CHN1: variants seen among roughly 807,000 people sequenced by gnomAD.
CHN1 encodes the protein N-chimaerin.
In CHN1, 37 loss-of-function variants were observed where a neutral mutation model predicts 59.5. That is an observed-to-expected ratio of 0.62 (90% CI 0.48 to 0.82). The LOEUF is 0.82. Ranked by LOEUF, CHN1 falls within the 40% of genes least tolerant of loss-of-function variation. The pLI, the probability that CHN1 is intolerant of heterozygous loss-of-function variation, is 0.00. For synonymous variants in CHN1, 206 were observed against 200.4 expected, an observed-to-expected ratio of 1.03 and a Z score of -0.24; for missense variants, 469 against 571.0, an observed-to-expected ratio of 0.82 and a Z score of 1.82.
At chr2:174,901,595 C>T (rs1047016875) in intron 5 of CHN1, among the ~76,000 whole-genome samples, 34 of 152,140 alleles carry the variant, frequency 2.2e-4, no homozygotes, top group African/African-American at 7.7e-4. Context: ...CTGTTAAGCT[C>T]CATAAGGCCA....
intron 6 of CHN1, among the ~76,000 whole-genome samples, chr2:174,857,573 C>T (rs1686943710): frequency 6.6e-6 from 1 of 152,024 alleles, no homozygotes; most frequent in African/African-American, 2.4e-5. Context: ...TAATCTAACA[C>T]TATCTAATGT....
chr2:174,851,831 A>C (rs1403273654), intron 6 of CHN1, among the ~76,000 whole-genome samples: 2 of 152,226 alleles, frequency 1.3e-5, no homozygotes, highest in African/African-American at 4.8e-5. Context: ...TGACAATATG[A>C]TTCTATACTT....
chr2:174,925,240 G>A (rs1689136247), intron 3 of CHN1, among the ~76,000 whole-genome samples: 1 of 152,080 alleles, frequency 6.6e-6, no homozygotes, highest in Admixed American at 6.5e-5. Flanking sequence ...TTGGTGTTTA[G>A]GCACAACTGA....
chr2:174,999,454 C>T (rs1458628427), intron 1 of CHN1, among the ~76,000 whole-genome samples: 1 of 152,188 alleles, frequency 6.6e-6, no homozygotes, highest in Non-Finnish European at 1.5e-5. Flanking sequence ...CAGCAAGGTA[C>T]TCTTTGTCAT....
chr2:174,895,415 G>C (rs908643860), intron 5 of CHN1, among the ~76,000 whole-genome samples: 16 of 151,970 alleles, frequency 1.1e-4, no homozygotes, highest in Non-Finnish European at 2.4e-4. Context: ...TGGCTGCTAT[G>C]GGGTAGGAGG....
At chr2:174,855,992 T>C (rs1027229875) in intron 6 of CHN1, among the ~76,000 whole-genome samples, 8 of 152,106 alleles carry the variant, frequency 5.3e-5, no homozygotes, top group Non-Finnish European at 8.8e-5. Flanking sequence ...TTTTGAAAGG[T>C]TGCCATTTGA....
chr2:174,986,654 C>A (rs1211459371), intron 1 of CHN1, among the ~76,000 whole-genome samples: 2 of 152,234 alleles, frequency 1.3e-5, no homozygotes, highest in Non-Finnish European at 2.9e-5. Flanking sequence ...CTTCTTCAGT[C>A]TACTCAACAT....
intron 6 of CHN1, among the ~76,000 whole-genome samples, chr2:174,871,297 G>A (rs1687400427): frequency 6.6e-6 from 1 of 150,386 alleles, no homozygotes; most frequent in African/African-American, 2.4e-5. Context: ...ATAGAATGAA[G>A]AATGACCCTC....
chr2:174,844,045 G>A (rs1346571901), intron 7 of CHN1, among the ~76,000 whole-genome samples: 1 of 151,614 alleles, frequency 6.6e-6, no homozygotes, highest in Non-Finnish European at 1.5e-5. Context: ...TTGATCCAGG[G>A]GACAATTACA....
At chr2:174,846,532 T>C (rs2105435313) in intron 7 of CHN1, 1 of 1,324,460 alleles carries the variant, frequency 7.6e-7, no homozygotes, top group East Asian at 2.6e-5. Context: ...TCTAATCCTC[T>C]CATAAAATCT....
chr2:174,945,220 C>A (rs779495259), intron 2 of CHN1: 3 of 471,634 alleles, frequency 6.4e-6, no homozygotes, highest in African/African-American at 2.0e-5. Flanking sequence ...ATAATCTGGT[C>A]ATTTATTTTC....
At position 174,817,587 on chromosome 2, in the gene CHN1, A is replaced by G. The variant is rs191947766; in HGVS notation, c.713-5105T>C. On this transcript the variant is annotated intron_variant, in intron 8 of 12. Transcript: ENST00000409900. ...AAGTAATTCTCATGCCTCAGCCTCC[A>G]AGTAGCTGGGACTACAGACACGCGT... 2.6e-3 allele frequency among the ~76,000 whole-genome samples: 391 copies of G among 150,528 alleles called. 1 individual carries two copies. Among genetic ancestry groups the G allele is most frequent in the African/African-American group, 9.2e-3 (374 of 40,812 alleles).
At chr2:174,976,951 G>A (rs929484585) in intron 1 of CHN1, among the ~76,000 whole-genome samples, 3 of 152,164 alleles carry the variant, frequency 2.0e-5, no homozygotes, top group East Asian at 1.9e-4. Flanking sequence ...ATTAGCAAAC[G>A]GGATGGTCCA....
At chr2:174,979,055 T>C (rs1691045931) in intron 1 of CHN1, among the ~76,000 whole-genome samples, 1 of 152,126 alleles carries the variant, frequency 6.6e-6, no homozygotes, top group African/African-American at 2.4e-5. Context: ...TAGTTTAGGG[T>C]TGAAGAAAGA....
chr2:174,994,036 A>T (rs1258840700), intron 1 of CHN1, among the ~76,000 whole-genome samples: 5 of 152,212 alleles, frequency 3.3e-5, no homozygotes, highest in Non-Finnish European at 5.9e-5. Flanking sequence ...CAGTTTGATT[A>T]TGTTCCCTAC....
At chr2:174,817,636 TTC>T (rs1685318607) in intron 8 of CHN1, among the ~76,000 whole-genome samples, 2 of 150,540 alleles carry the variant, frequency 1.3e-5, no homozygotes, top group African/African-American at 2.4e-5. Flanking sequence ...TGATTTTTTT[TTC>T]TTTTTTTTTT....
chr2:174,840,965 A>G (rs1026084687), intron 7 of CHN1, among the ~76,000 whole-genome samples: 1 of 152,182 alleles, frequency 6.6e-6, no homozygotes, highest in African/African-American at 2.4e-5. Flanking sequence ...GAGGCAGTAT[A>G]ATACAGAGAT....
At chr2:174,881,903 A>G (rs1219170150) in intron 5 of CHN1, among the ~76,000 whole-genome samples, 1 of 152,254 alleles carries the variant, frequency 6.6e-6, no homozygotes, top group Non-Finnish European at 1.5e-5. Flanking sequence ...CTCTGAATTC[A>G]AAGGAGAAAG....
chr2:175,005,161 T>G lies in CHN1; in HGVS notation c.-249A>C. 7.8e-7 allele frequency: 1 copy of G among 1,280,852 alleles called. No individual in the cohort carries two copies. Among genetic ancestry groups the G allele is most frequent in the Non-Finnish European group, 9.9e-7 (1 of 1,011,810 alleles). The allele number at this position is 1,280,852 out of a possible 1,614,324, so 79.3% of individuals were successfully genotyped here. On this transcript the variant is annotated 5_prime_UTR_variant, in exon 1 of 13. Coordinates refer to ENST00000409900, the MANE Select transcript of CHN1 (RefSeq NM_001822.7). ...CCGCTAGCTCTCCGCGAGCCGGCAC[T>G]TGTCGCTGCCATCAGGCGCGGAGCG...
Sources: gnomAD v4.1 joint callset for allele counts (sites outside exome capture counted in the v4.1 genomes callset) on GRCh38, gnomAD v4.1.1 for gene constraint, MANE v1.5 for transcripts, NCBI Gene and HGNC (gene_info 2026-07-23, HGNC 2026-07-21) for gene names.